Variants in MBNL2 observed in about 807,000 individuals in gnomAD.
The protein encoded by MBNL2 is muscleblind like splicing regulator 2, also known as muscleblind-like protein 2.
In MBNL2, 17 loss-of-function variants were observed where a neutral mutation model predicts 41.9. The ratio of observed to expected loss-of-function variants is 0.41; its 90% CI spans 0.28 to 0.61. The LOEUF (loss-of-function observed/expected upper bound fraction) is 0.61, where lower values mean the gene tolerates loss of function less well. Among genes scored for constraint, MBNL2 ranks in the 20% least tolerant of loss-of-function variants. The pLI, the probability that MBNL2 is intolerant of heterozygous loss-of-function variation, is 0.35. For synonymous variants in MBNL2, 195 were observed against 182.9 expected, an observed-to-expected ratio of 1.07 and a Z score of -0.53; for missense variants, 336 against 505.6, an observed-to-expected ratio of 0.66 and a Z score of 3.22.
At chr13:97,350,634 G>A (rs576883914) in intron 5 of MBNL2, among the ~76,000 whole-genome samples, 1 of 152,278 alleles carries the variant, frequency 6.6e-6, no homozygotes, top group Admixed American at 6.5e-5. Context: ...TTAGCCAAGA[G>A]TAGAACCCAT....
At chr13:97,233,136 TATATATATA>T (rs2042660248) in intron 1 of MBNL2, among the ~76,000 whole-genome samples, 1 of 69,440 alleles carries the variant, frequency 1.4e-5, no homozygotes, top group East Asian at 9.7e-4. Context: ...CATATATATA[TATATATATA>T]TATATATATA....
In MBNL2 at chr13:97,365,833, T is replaced by C. The variant is rs546876525; in HGVS notation, c.1048+662T>C. Among the ~76,000 whole-genome samples, 14 of 152,258 alleles carry C rather than the reference T, an allele frequency of 9.2e-5. No individual in the cohort carries two copies. The South Asian group carries it at 2.3e-3, about 25-fold the overall frequency. On this transcript the variant is annotated intron_variant, in intron 8 of 8. Transcript: ENST00000679496. ...TATTTAGAGTCAAGAAAAAGAAACA[T>C]TGCAAATTTTGCCTGGCTATTTCAG...
the MBNL2 span, among the ~76,000 whole-genome samples, chr13:97,182,709 T>C: frequency 2.0e-5 from 3 of 152,300 alleles, no homozygotes; most frequent in African/African-American, 4.8e-5. Context: ...GAAACGAAGA[T>C]ATGGTGAATT....
In MBNL2 at chr13:97,317,222, G is replaced by C. The variant is rs988316242; in HGVS notation, c.175-17054G>C. ...CGTGTGGTCCTATAAGTGTCACTCT[G>C]TTCCAGGGCCGGGGATCATATGCTT... is the stretch of plus-strand genomic sequence containing the variant. On this transcript the variant is annotated intron_variant, in intron 2 of 8. Coordinates refer to ENST00000679496, the MANE Select transcript of MBNL2 (RefSeq NM_001382683.1). Among the ~76,000 whole-genome samples the C allele has an allele frequency of 5.9e-5, 9 of 152,168 alleles. No individual in the cohort carries two copies. The East Asian group carries it at 1.7e-3, about 29-fold the overall frequency.
In MBNL2 at chr13:97,325,748, T is replaced by A. The variant is rs559313572; in HGVS notation, c.175-8528T>A. 4.6e-5 allele frequency among the ~76,000 whole-genome samples: 7 copies of A among 152,270 alleles called. No individual in the cohort carries two copies. In the South Asian group the frequency reaches 1.2e-3, roughly 27 times the overall value. On this transcript the variant is annotated intron_variant, in intron 2 of 8. Coordinates refer to ENST00000679496, the MANE Select transcript of MBNL2 (RefSeq NM_001382683.1). The stretch of plus-strand genomic sequence containing the variant: ...CTGTTTCAAAAATAAAAATAAAAAA[T>A]TTTTAAAAGGCTTAAACATGCTATG...
chr13:97,355,580 T>C (rs2062914930), intron 5 of MBNL2, among the ~76,000 whole-genome samples: 2 of 152,160 alleles, frequency 1.3e-5, no homozygotes, highest in Admixed American at 6.5e-5. Context: ...ATTATTTTAT[T>C]TGCAAAGAAT....
At chr13:97,236,371 C>T (rs2043273511) in intron 1 of MBNL2, among the ~76,000 whole-genome samples, 1 of 152,014 alleles carries the variant, frequency 6.6e-6, no homozygotes, top group African/African-American at 2.4e-5. Flanking sequence ...CATGCTTTCC[C>T]TTGGGGTTGG....
At chr13:97,155,320 A>G in the MBNL2 span, among the ~76,000 whole-genome samples, 1 of 151,676 alleles carries the variant, frequency 6.6e-6, no homozygotes, top group Non-Finnish European at 1.5e-5. Context: ...GTCTTGCTTC[A>G]TTCATACTCA....
intron 2 of MBNL2, among the ~76,000 whole-genome samples, chr13:97,290,892 G>A (rs1406207522): frequency 6.6e-6 from 1 of 152,136 alleles, no homozygotes; most frequent in African/African-American, 2.4e-5. Context: ...GAGAAGAGAG[G>A]AAGGCTTCCC....
intron 1 of MBNL2, among the ~76,000 whole-genome samples, chr13:97,274,891 A>ATCT (rs1427698104): frequency 1.3e-5 from 2 of 152,194 alleles, no homozygotes; most frequent in African/African-American, 4.8e-5. Context: ...GACTCAGTTA[A>ATCT]AAACTAAACT....
intron 8 of MBNL2, among the ~76,000 whole-genome samples, chr13:97,375,888 G>A (rs562747388): frequency 3.9e-5 from 6 of 152,320 alleles, no homozygotes; most frequent in South Asian, 4.1e-4. Context: ...GTGAGCCAGC[G>A]AGTGGGGTGA....
the MBNL2 span, among the ~76,000 whole-genome samples, chr13:97,206,300 C>T: frequency 6.6e-6 from 1 of 151,846 alleles, no homozygotes; most frequent in Admixed American, 6.6e-5. Context: ...TTCACTGCAT[C>T]GTGACTGAGG....
intron 2 of MBNL2, among the ~76,000 whole-genome samples, chr13:97,302,910 A>G (rs2153004162): frequency 6.6e-6 from 1 of 152,344 alleles, no homozygotes; most frequent in African/African-American, 2.4e-5. Context: ...TGTGCCACCA[A>G]TCCCTACAAT....
intron 3 of MBNL2, among the ~76,000 whole-genome samples, chr13:97,335,337 A>C (rs1419722895): frequency 6.6e-6 from 1 of 152,046 alleles, no homozygotes; most frequent in Non-Finnish European, 1.5e-5. Flanking sequence ...TGTTTCTAAA[A>C]AGTATGTGCA....
At chr13:97,162,278 C>A in the MBNL2 span, among the ~76,000 whole-genome samples, 1 of 151,800 alleles carries the variant, frequency 6.6e-6, no homozygotes, top group Non-Finnish European at 1.5e-5. Context: ...AGACCCAAAG[C>A]GTATCAACAT....
intron 8 of MBNL2, among the ~76,000 whole-genome samples, chr13:97,373,119 G>A (rs1203486749): frequency 2.0e-5 from 3 of 152,126 alleles, no homozygotes; most frequent in South Asian, 4.1e-4. Context: ...CTCCTTTCTC[G>A]CAGTTTGCTT....
At chr13:97,372,751 G>C (rs1481416111) in intron 8 of MBNL2, among the ~76,000 whole-genome samples, 1 of 152,104 alleles carries the variant, frequency 6.6e-6, no homozygotes, top group African/African-American at 2.4e-5. Context: ...CTATAAACAT[G>C]AACATAACTT....
At chr13:97,264,815 G>C (rs192322155) in intron 1 of MBNL2, among the ~76,000 whole-genome samples, 7 of 152,228 alleles carry the variant, frequency 4.6e-5, no homozygotes, top group Non-Finnish European at 1.0e-4. Context: ...GGCTATGGCC[G>C]GGGAAGGAAA....
chr13:97,344,344 C>G (rs947014627), intron 4 of MBNL2, among the ~76,000 whole-genome samples: 1 of 152,180 alleles, frequency 6.6e-6, no homozygotes, highest in African/African-American at 2.4e-5. Flanking sequence ...TAAAGATTCT[C>G]ATAGATTTTT....
Sources: gnomAD v4.1 joint callset for allele counts (sites outside exome capture counted in the v4.1 genomes callset) on GRCh38, gnomAD v4.1.1 for gene constraint, MANE v1.5 for transcripts, NCBI Gene and HGNC (gene_info 2026-07-23, HGNC 2026-07-21) for gene names.